Variants in NEURL1B observed in about 807,000 individuals in gnomAD.
NEURL1B encodes the protein neuralized E3 ubiquitin protein ligase 1B.
A neutral mutation model predicts 37.4 loss-of-function variants in NEURL1B; 13 were observed. The ratio of observed to expected loss-of-function variants is 0.35; its 90% CI spans 0.23 to 0.55. The LOEUF is 0.55. NEURL1B is among the 20% of genes least tolerant of loss of function. NEURL1B has a pLI of 0.89. For missense variants in NEURL1B, 790 were observed against 879.2 expected (o/e 0.90, Z 1.28); for synonymous variants, 432 against 426.6 (o/e 1.01, Z -0.16).
intron 3 of NEURL1B, among the ~76,000 whole-genome samples, chr5:172,685,325 G>A (rs1308501305): frequency 6.6e-6 from 1 of 152,168 alleles, no homozygotes; most frequent in African/African-American, 2.4e-5. Context: ...GTGTTTTTTG[G>A]GGAGGGGGAA....
In NEURL1B at chr5:172,684,047, G is replaced by T; in HGVS notation, c.1206G>T (p.Pro402=). 1 of 1,331,612 alleles carries T rather than the reference G, an allele frequency of 7.5e-7. No homozygotes were observed. The allele number at this position is 1,331,612 out of a possible 1,614,324, so 82.5% of individuals were successfully genotyped here. Residue 402 remains proline (P), a synonymous_variant, in exon 3 of 5, where the codon CCG becomes CCT. Transcript: ENST00000369800. ...TGCTCCTGGGCATCAACGGGCGTCC[G>T]CGCGGCCGCCTGCTGTGCGTCGACA... ...GDVLLGINGR[P]RGRLLCVDTT... is the part of the protein sequence containing the mutation.
rs183150576 is a variant in NEURL1B at position 172,657,730 on chromosome 5, C to G, written c.32-12055C>G. The stretch of plus-strand genomic sequence containing the variant: ...TCCTTTCCTTGGAGGAGTCAGGGCA[C>G]ACTCTGCTCCACCAGCTTCTTGTGG... On this transcript the variant is annotated intron_variant, in intron 1 of 4. Transcript: ENST00000369800. The surrounding 1 kb of genome is among the most constrained non-coding windows in gnomAD (Gnocchi z 4.0). 1.3e-5 allele frequency among the ~76,000 whole-genome samples: 2 copies of G among 152,224 alleles called. No individual in the cohort carries two copies. The highest frequency in any genetic ancestry group is 3.9e-4 in the East Asian group (2 of 5,164).
chr5:172,672,542 C>CG (rs1554098446), intron 2 of NEURL1B, among the ~76,000 whole-genome samples: 179 of 143,696 alleles, frequency 1.2e-3, no homozygotes, highest in African/African-American at 4.2e-3. Context: ...GTGAACTCTC[C>CG]CCCCCCCACT....
At chr5:172,658,019 C>G (rs947802826) in intron 1 of NEURL1B, among the ~76,000 whole-genome samples, 16 of 152,148 alleles carry the variant, frequency 1.1e-4, no homozygotes, top group African/African-American at 3.9e-4. Context: ...GGGAAGGGCC[C>G]CCTGTCCAGT....
intron 1 of NEURL1B, among the ~76,000 whole-genome samples, chr5:172,667,526 A>C (rs1248185577): frequency 2.6e-5 from 4 of 152,268 alleles, no homozygotes; most frequent in African/African-American, 9.6e-5. Flanking sequence ...CAAAGCAAGT[A>C]GACTGAATGT....
chr5:172,663,787 C>T (rs1757949492), intron 1 of NEURL1B, among the ~76,000 whole-genome samples: 1 of 135,702 alleles, frequency 7.4e-6, no homozygotes, highest in Non-Finnish European at 1.6e-5. Context: ...TAGTCGCTGG[C>T]GTGGTTTGGG....
intron 2 of NEURL1B, among the ~76,000 whole-genome samples, chr5:172,672,094 C>T (rs6556038): frequency 0.21 from 31,335 of 152,170 alleles, 4,443 homozygotes; most frequent in African/African-American, 0.41. Flanking sequence ...CAGTTCCTGA[C>T]ACAGAGAAGG....
intron 1 of NEURL1B, among the ~76,000 whole-genome samples, chr5:172,648,825 G>A (rs566910245): frequency 1.3e-5 from 2 of 152,348 alleles, no homozygotes; most frequent in South Asian, 4.1e-4. Flanking sequence ...GCAGCCTGTG[G>A]GTTCACCATG....
At chr5:172,679,129 G>C (rs545557602) in intron 2 of NEURL1B, among the ~76,000 whole-genome samples, 1 of 152,278 alleles carries the variant, frequency 6.6e-6, no homozygotes, top group Non-Finnish European at 1.5e-5. Context: ...TCCCGGTGCT[G>C]GGCTGCTCTC....
At position 172,691,078 on chromosome 5, in the gene NEURL1B, C is replaced by T. The variant is rs921134788; in HGVS notation, c.*4153C>T. The T allele has an allele frequency of 1.3e-5, 2 of 152,182 alleles. No homozygotes were observed. Among genetic ancestry groups the T allele is most frequent in the Admixed American group, 6.5e-5 (1 of 15,282 alleles). The allele number at this position is 152,182 out of a possible 1,614,324, so 9.4% of individuals were successfully genotyped here. Reference sequence around the variant, plus strand: ...TGTCTTATCCGAGTCCCTAATGAAACGACTTGTGTGACAATCTGTCTGTGC... The same window carrying T: ...TGTCTTATCCGAGTCCCTAATGAAATGACTTGTGTGACAATCTGTCTGTGC... On this transcript the variant is annotated 3_prime_UTR_variant, in exon 5 of 5. Coordinates refer to ENST00000369800, the MANE Select transcript of NEURL1B (RefSeq NM_001142651.3).
chr5:172,680,650 C>G (rs188678577), intron 2 of NEURL1B, among the ~76,000 whole-genome samples: 2 of 152,010 alleles, frequency 1.3e-5, no homozygotes, highest in South Asian at 2.1e-4. Context: ...AACTAGAAAA[C>G]TATAAGAAGC....
intron 1 of NEURL1B, among the ~76,000 whole-genome samples, chr5:172,650,252 T>C (rs150491758): frequency 1.5e-3 from 224 of 152,306 alleles, no homozygotes; most frequent in African/African-American, 5.1e-3. Flanking sequence ...CAGATCTCCA[T>C]GTCTCAGAAA....
intron 3 of NEURL1B, 38 bp downstream of exon 3, chr5:172,684,176 TC>T: frequency 1.3e-5 from 12 of 950,922 alleles, no homozygotes; most frequent in African/African-American, 3.1e-5. Context: ...GCCCCGCCCC[TC>T]CCCCGTCCCG....
intron 2 of NEURL1B, among the ~76,000 whole-genome samples, chr5:172,674,766 T>C (rs751938753): frequency 1.3e-5 from 2 of 152,198 alleles, no homozygotes; most frequent in African/African-American, 2.4e-5. Context: ...GATAGACTCA[T>C]TGGGCCATGT....
intron 1 of NEURL1B, among the ~76,000 whole-genome samples, chr5:172,643,303 G>A (rs928443184): frequency 9.2e-5 from 14 of 152,204 alleles, no homozygotes; most frequent in African/African-American, 1.4e-4. Flanking sequence ...ATGAAGGGCC[G>A]TTAATTGTTT....
intron 2 of NEURL1B, among the ~76,000 whole-genome samples, chr5:172,677,451 CTTTGCAAGTGGGG>C (rs1758252468): frequency 6.6e-6 from 1 of 152,166 alleles, no homozygotes; most frequent in Non-Finnish European, 1.5e-5. Flanking sequence ...AGGGTCCCCA[CTTTGCAAGTGGGG>C]AAACTGAGGT....
chr5:172,652,903 T>G (rs1405911956), intron 1 of NEURL1B, among the ~76,000 whole-genome samples: 5 of 152,224 alleles, frequency 3.3e-5, no homozygotes, highest in Non-Finnish European at 5.9e-5. Flanking sequence ...GGTTTTCCCC[T>G]GGGACTATGG....
At chr5:172,672,738 C>T (rs1373560113) in intron 2 of NEURL1B, among the ~76,000 whole-genome samples, 20 of 152,010 alleles carry the variant, frequency 1.3e-4, no homozygotes, top group Admixed American at 1.3e-3. Context: ...GGACAATGAT[C>T]ACAAAATTAT....
At chr5:172,653,621 A>C (rs796314413) in intron 1 of NEURL1B, among the ~76,000 whole-genome samples, 1 of 152,214 alleles carries the variant, frequency 6.6e-6, no homozygotes, top group Non-Finnish European at 1.5e-5. Context: ...TTACAATTTA[A>C]CGTTTTAAAA....
Sources: gnomAD v4.1 joint callset for allele counts (sites outside exome capture counted in the v4.1 genomes callset) on GRCh38, gnomAD v4.1.1 for gene constraint, Gnocchi (gnomAD v3.1) non-coding constraint, MANE v1.5 for transcripts, NCBI Gene and HGNC (gene_info 2026-07-23, HGNC 2026-07-21) for gene names.